The following VPS53 variants were observed in gnomAD, a reference collection of about 807,000 sequenced individuals.
The protein encoded by VPS53 is VPS53 subunit of GARP complex, also known as vacuolar protein sorting-associated protein 53 homolog.
Under a neutral mutation model 107.0 loss-of-function variants are expected in VPS53, and 70 were observed. The ratio of observed to expected loss-of-function variants is 0.65; its 90% CI spans 0.54 to 0.80. The LOEUF (loss-of-function observed/expected upper bound fraction) is 0.80, where lower values mean the gene tolerates loss of function less well. VPS53 is among the 30% of genes least tolerant of loss of function. VPS53 has a pLI of 0.00. For synonymous variants in VPS53, 409 were observed against 393.3 expected, an observed-to-expected ratio of 1.04 and a Z score of -0.47; for missense variants, 917 against 1,049.4, an observed-to-expected ratio of 0.87 and a Z score of 1.74.
chr17:627,850 A>G (rs1426822590), intron 9 of VPS53, among the ~76,000 whole-genome samples: 1 of 152,164 alleles, frequency 6.6e-6, no homozygotes, highest in Non-Finnish European at 1.5e-5. Context: ...AGGGGTCTAT[A>G]CATTTCCAGA....
intron 8 of VPS53, among the ~76,000 whole-genome samples, chr17:629,798 CA>C (rs955509909): frequency 2.9e-4 from 30 of 104,264 alleles, no homozygotes; most frequent in Middle Eastern, 5.0e-3. Context: ...AAAAACAAAA[CA>C]AAAAAAAAAC....
At chr17:597,984 C>CCTCTCCCCACGGTCTCT (rs1968065810) in intron 12 of VPS53, among the ~76,000 whole-genome samples, 1 of 151,566 alleles carries the variant, frequency 6.6e-6, no homozygotes, top group Non-Finnish European at 1.5e-5. Flanking sequence ...CCACGGTCTC[C>CCTCTCCCCACGGTCTCT]CTCTCCCTCT....
At chr17:556,052 A>T (rs1186238315) in intron 15 of VPS53, among the ~76,000 whole-genome samples, 1 of 152,140 alleles carries the variant, frequency 6.6e-6, no homozygotes, top group Non-Finnish European at 1.5e-5. Context: ...TGAGGCAAGA[A>T]GATCACTTGA....
At position 641,962 on chromosome 17, in the gene VPS53, A is replaced by G. The variant is rs140309971; in HGVS notation, c.609-10334T>C. On this transcript the variant is annotated intron_variant, in intron 7 of 21. Coordinates refer to ENST00000437048, the MANE Select transcript of VPS53 (RefSeq NM_001128159.3). Reference sequence around the variant, plus strand: ...GGCATCCTCCATGCCACGTGACTGCAGGGCTGTTCCAAGGCACCCTTTCCT... The same window carrying G: ...GGCATCCTCCATGCCACGTGACTGCGGGGCTGTTCCAAGGCACCCTTTCCT... Among the ~76,000 whole-genome samples the G allele has an allele frequency of 7.2e-5, 11 of 152,346 alleles. No individual in the cohort carries two copies. The East Asian group carries it at 2.1e-3, about 29-fold the overall frequency.
chr17:522,023 G>C (rs1908801361), intron 19 of VPS53, among the ~76,000 whole-genome samples: 1 of 152,186 alleles, frequency 6.6e-6, no homozygotes, highest in Admixed American at 6.5e-5. Context: ...GGAGGGCCAG[G>C]CAGCAGGATC....
At chr17:672,822 A>G (rs1002420703) in intron 4 of VPS53, among the ~76,000 whole-genome samples, 1 of 152,144 alleles carries the variant, frequency 6.6e-6, no homozygotes, top group Non-Finnish European at 1.5e-5. Context: ...ATGAATAAAG[A>G]ATGGCAGCGG....
intron 4 of VPS53, among the ~76,000 whole-genome samples, chr17:668,176 T>A (rs1971776105): frequency 6.6e-6 from 1 of 152,122 alleles, no homozygotes; most frequent in African/African-American, 2.4e-5. Flanking sequence ...GAGCCAATCA[T>A]CCATTTGGTT....
chr17:662,353 A>C, intron 4 of VPS53, among the ~76,000 whole-genome samples: 1 of 152,142 alleles, frequency 6.6e-6, no homozygotes, highest in Non-Finnish European at 1.5e-5. Flanking sequence ...AATCTTAAAG[A>C]CTTTCATAGT....
intron 5 of VPS53, among the ~76,000 whole-genome samples, chr17:658,635 A>G (rs1405856885): frequency 1.1e-4 from 16 of 139,808 alleles, no homozygotes; most frequent in South Asian, 2.4e-4. Flanking sequence ...ACATCCCACT[A>G]AAGTGAGATA....
chr17:678,983 G>C (rs951232583), intron 4 of VPS53, among the ~76,000 whole-genome samples: 3 of 152,040 alleles, frequency 2.0e-5, no homozygotes, highest in African/African-American at 7.2e-5. Flanking sequence ...GGCCAAAGTG[G>C]CATTCAGAGA....
At chr17:542,492 G>A (rs71355271) in intron 17 of VPS53, among the ~76,000 whole-genome samples, 24,024 of 152,108 alleles carry the variant, frequency 0.16, 2,091 homozygotes, top group South Asian at 0.27. Context: ...GAAAGATAAC[G>A]CATGGAATGC....
At chr17:648,041 G>C (rs1970777476) in intron 7 of VPS53, among the ~76,000 whole-genome samples, 1 of 152,214 alleles carries the variant, frequency 6.6e-6, no homozygotes, top group African/African-American at 2.4e-5. Flanking sequence ...GCAGTAGCCA[G>C]AGGGGCGGCC....
In VPS53 at chr17:519,420, T is replaced by C. The variant is rs1233006369; in HGVS notation, c.2329-122A>G. On this transcript the variant is annotated intron_variant, in intron 21 of 21. Transcript: ENST00000437048. This position sits in a 1 kb window ranked among gnomAD's most constrained non-coding sequence, Gnocchi z 5.0. ...TGGAGACAGCATAGTTACTCCAGGC[T>C]GAGGATGAACCGTTTCCTCAAGGGA... is the stretch of plus-strand genomic sequence containing the variant. The C allele has an allele frequency of 7.6e-6, 8 of 1,056,640 alleles. No individual in the cohort carries two copies. In the Admixed American group the frequency reaches 1.7e-4, roughly 23 times the overall value. The allele number at this position is 1,056,640 out of a possible 1,614,324, so 65.5% of individuals were successfully genotyped here. A position where few individuals can be genotyped will look rare whatever the true frequency, so the allele number is the denominator to read the frequency against.
At chr17:647,248 T>C (rs1970748522) in intron 7 of VPS53, among the ~76,000 whole-genome samples, 1 of 152,178 alleles carries the variant, frequency 6.6e-6, no homozygotes, top group Non-Finnish European at 1.5e-5. Context: ...ATTCCTCTTC[T>C]GAGATCCTGC....
At chr17:656,294 A>G (rs187321159) in intron 5 of VPS53, among the ~76,000 whole-genome samples, 19 of 152,314 alleles carry the variant, frequency 1.2e-4, no homozygotes, top group Non-Finnish European at 2.1e-4. Context: ...CAAGGTGAGG[A>G]AAGTGTGCCT....
intron 4 of VPS53, among the ~76,000 whole-genome samples, chr17:694,411 A>AAG (rs1288308514): frequency 2.6e-5 from 4 of 152,228 alleles, no homozygotes; most frequent in Non-Finnish European, 5.9e-5. Flanking sequence ...TTGAAACGTA[A>AAG]ATAACTGAAA....
chr17:534,203 C>A (rs115289268), intron 18 of VPS53, among the ~76,000 whole-genome samples: 1 of 152,280 alleles, frequency 6.6e-6, no homozygotes, highest in African/African-American at 2.4e-5. Context: ...TATGTGACTT[C>A]TCATTTTATC....
At chr17:701,515 T>C (rs1255770073) in intron 2 of VPS53, among the ~76,000 whole-genome samples, 1 of 150,796 alleles carries the variant, frequency 6.6e-6, no homozygotes, top group Non-Finnish European at 1.5e-5. Context: ...GTAGCTGGGA[T>C]TACAGGCACA....
chr17:571,388 G>A (rs1914042029), intron 13 of VPS53, among the ~76,000 whole-genome samples: 1 of 152,166 alleles, frequency 6.6e-6, no homozygotes, highest in Non-Finnish European at 1.5e-5. Flanking sequence ...GAATCTGGAT[G>A]AAGGCTATAC....
Sources: allele counts gnomAD v4.1 joint callset (sites outside exome capture counted in the v4.1 genomes callset), GRCh38; gene constraint gnomAD v4.1.1; non-coding constraint Gnocchi (gnomAD v3.1); transcripts MANE v1.5; gene names NCBI Gene and HGNC (gene_info 2026-07-23, HGNC 2026-07-21).